The following SIN3A variants were observed in gnomAD, a reference collection of about 807,000 sequenced individuals.
SIN3A encodes paired amphipathic helix protein Sin3a.
SIN3A carries 14 observed loss-of-function variants against 146.1 expected under a neutral mutation model. The ratio of observed to expected loss-of-function variants is 0.10; its 90% CI spans 0.06 to 0.15. SIN3A has a LOEUF of 0.15. Ranked by LOEUF, SIN3A falls within the 10% of genes least tolerant of loss-of-function variation. The pLI is 1.00. For missense variants in SIN3A, 1,028 were observed against 1,576.0 expected, an observed-to-expected ratio of 0.65 and a Z score of 5.89; for synonymous variants, 572 against 572.0, an observed-to-expected ratio of 1.00 and a Z score of 0.00.
At position 75,383,803 on chromosome 15, in the gene SIN3A, T is replaced by C. The variant is rs543490417; in HGVS notation, c.3195+461A>G. On this transcript the variant is annotated intron_variant, in intron 17 of 20. Transcript: ENST00000394947. ...TGCCGGGCTAATTTTTGTATTCTTGTATTTCTTGCAGAGATGGGGTTTTGC... is the reference window on the plus strand; with the variant it reads ...TGCCGGGCTAATTTTTGTATTCTTGCATTTCTTGCAGAGATGGGGTTTTGC... Among the ~76,000 whole-genome samples, 71 of 152,254 alleles carry C rather than the reference T, an allele frequency of 4.7e-4. 1 individual carries two copies. In the South Asian group the frequency reaches 0.014, roughly 31 times the overall value.
intron 1 of SIN3A, among the ~76,000 whole-genome samples, chr15:75,442,715 AG>A (rs1443149626): frequency 6.6e-6 from 1 of 151,376 alleles, no homozygotes; most frequent in African/African-American, 2.4e-5. Flanking sequence ...GGATCACCTG[AG>A]GTTGGGAGTT....
At chr15:75,383,254 A>G (rs1157103025) in intron 17 of SIN3A, among the ~76,000 whole-genome samples, 2 of 151,224 alleles carry the variant, frequency 1.3e-5, no homozygotes, top group African/African-American at 4.9e-5. Context: ...CCTGGGCAAC[A>G]GTGTGTGTCC....
At chr15:75,435,178 A>T (rs965382203) in intron 1 of SIN3A, among the ~76,000 whole-genome samples, 1 of 151,928 alleles carries the variant, frequency 6.6e-6, no homozygotes, top group Non-Finnish European at 1.5e-5. Context: ...TAAGAAATGA[A>T]CTCTAAAACA....
At chr15:75,379,321 A>G (rs1292604074) in intron 19 of SIN3A, among the ~76,000 whole-genome samples, 1 of 152,210 alleles carries the variant, frequency 6.6e-6, no homozygotes, top group Non-Finnish European at 1.5e-5. Flanking sequence ...TCATGCTCTA[A>G]GAGTGTAAGG....
At chr15:75,392,215 C>T (rs376517818) in intron 15 of SIN3A, 27 bp downstream of exon 15, 3 of 1,598,790 alleles carry the variant, frequency 1.9e-6, no homozygotes, top group Admixed American at 3.4e-5. Context: ...CACACATCCT[C>T]TGTAAATCAG....
chr15:75,376,880 A>C (rs1044608003), intron 19 of SIN3A, among the ~76,000 whole-genome samples: 1 of 149,202 alleles, frequency 6.7e-6, no homozygotes, highest in African/African-American at 2.5e-5. Flanking sequence ...AAAAAAAAAA[A>C]AAACCAACCA....
Position 75,418,263 on chromosome 15 carries a change from C to T in SIN3A, c.367-3952G>A, listed in dbSNP as rs186412635. Among the ~76,000 whole-genome samples, 57 of 149,902 alleles carry T rather than the reference C, an allele frequency of 3.8e-4. No homozygotes were observed. In the East Asian group the frequency reaches 4.2e-3, roughly 11 times the overall value. Reference sequence around the variant, plus strand: ...GCCAGGCTGGTCTCAATCTCCTGACCTCGTGATCCGCCCGCCTCGGCCTCC... The same window carrying T: ...GCCAGGCTGGTCTCAATCTCCTGACTTCGTGATCCGCCCGCCTCGGCCTCC... On this transcript the variant is annotated intron_variant, in intron 3 of 20. Transcript: ENST00000394947.
chr15:75,445,337 C>T (rs976999758), intron 1 of SIN3A, among the ~76,000 whole-genome samples: 14 of 137,498 alleles, frequency 1.0e-4, no homozygotes, highest in African/African-American at 3.3e-4. Context: ...GCTGAGATCG[C>T]GCTACTGTAC....
intron 17 of SIN3A, among the ~76,000 whole-genome samples, chr15:75,383,198 G>T (rs1236406479): frequency 6.6e-6 from 1 of 151,608 alleles, no homozygotes; most frequent in Admixed American, 6.6e-5. Flanking sequence ...CTTGAACTCA[G>T]GAGGCAGAGG....
chr15:75,428,354 T>C (rs1595918925), intron 2 of SIN3A, among the ~76,000 whole-genome samples: 1 of 152,276 alleles, frequency 6.6e-6, no homozygotes, highest in East Asian at 1.9e-4. Flanking sequence ...TGCACTGTTG[T>C]CCAGTCTGAA....
chr15:75,434,587 T>C (rs1332351992), intron 1 of SIN3A, among the ~76,000 whole-genome samples: 28 of 141,274 alleles, frequency 2.0e-4, no homozygotes, highest in East Asian at 6.4e-4. Flanking sequence ...GAGGTGGAGG[T>C]TGCAGTGAGC....
rs1303102733 is a variant in SIN3A at position 75,430,353 on chromosome 15, T to G, written c.23A>C (p.Gln8Pro). ...CTGGGCTGCATACACCGGTGACTCCTGGTCATCCAAACGCCGCTTCATTCT... is the reference window on the plus strand; with the variant it reads ...CTGGGCTGCATACACCGGTGACTCCGGGTCATCCAAACGCCGCTTCATTCT... MKRRLDD[Q>P]ESPVYAAQQR... Residue 8 changes from glutamine (Q) to proline (P), a missense_variant, in exon 2 of 21, where the codon CAG becomes CCG. Physicochemically the swap from Gln to Pro is moderately conservative, Grantham distance 76. Transcript: ENST00000394947. 1 of 1,612,330 alleles carries G rather than the reference T, an allele frequency of 6.2e-7. No individual in the cohort carries two copies. Among genetic ancestry groups the G allele is most frequent in the Non-Finnish European group, 8.5e-7 (1 of 1,179,344 alleles).
At chr15:75,408,870 C>A (rs1242803738) in intron 8 of SIN3A, among the ~76,000 whole-genome samples, 1 of 152,182 alleles carries the variant, frequency 6.6e-6, no homozygotes, top group African/African-American at 2.4e-5. Flanking sequence ...TTCTCAAGCT[C>A]AAGAATGTTC....
At chr15:75,444,450 T>C (rs550390295) in intron 1 of SIN3A, among the ~76,000 whole-genome samples, 61 of 151,976 alleles carry the variant, frequency 4.0e-4, no homozygotes, top group African/African-American at 1.4e-3. Context: ...AAAAATAAAA[T>C]TAAAAATAAA....
chr15:75,374,897 G>T (rs567029381), intron 20 of SIN3A, among the ~76,000 whole-genome samples: 2 of 152,256 alleles, frequency 1.3e-5, no homozygotes, highest in South Asian at 2.1e-4. Flanking sequence ...GCATATCATC[G>T]CATTACTTCA....
At chr15:75,435,772 A>G (rs1370603342) in intron 1 of SIN3A, among the ~76,000 whole-genome samples, 1 of 152,110 alleles carries the variant, frequency 6.6e-6, no homozygotes, top group African/African-American at 2.4e-5. Context: ...GTATGTATAT[A>G]TACACATACA....
At chr15:75,440,424 G>T (rs971969812) in intron 1 of SIN3A, among the ~76,000 whole-genome samples, 1 of 151,778 alleles carries the variant, frequency 6.6e-6, no homozygotes, top group African/African-American at 2.4e-5. Flanking sequence ...TAGAAAAGGG[G>T]TTTTGCCATG....
At chr15:75,439,206 G>C (rs144205101) in intron 1 of SIN3A, among the ~76,000 whole-genome samples, 1 of 152,308 alleles carries the variant, frequency 6.6e-6, no homozygotes, top group Non-Finnish European at 1.5e-5. Context: ...ATATCTCACA[G>C]ATAGAGTAAA....
At chr15:75,433,684 C>T (rs2141584180) in intron 1 of SIN3A, among the ~76,000 whole-genome samples, 1 of 152,108 alleles carries the variant, frequency 6.6e-6, no homozygotes, top group Admixed American at 6.6e-5. Flanking sequence ...GTGGCGGGCA[C>T]CTGTAGTCCT....
Sources: gnomAD v4.1 joint callset for allele counts (sites outside exome capture counted in the v4.1 genomes callset) on GRCh38, gnomAD v4.1.1 for gene constraint, MANE v1.5 for transcripts, NCBI Gene and HGNC (gene_info 2026-07-23, HGNC 2026-07-21) for gene names.